The following LYPD4 variants were observed in gnomAD, a reference collection of about 807,000 sequenced individuals.
The protein encoded by LYPD4 is LY6/PLAUR domain containing 4.
LYPD4 carries 20 observed loss-of-function variants against 18.2 expected under a neutral mutation model. The observed-to-expected ratio is 1.10, with a 90% CI of 0.77 to 1.59. The LOEUF is 1.59. LYPD4 is among the 40% of genes most tolerant of loss of function. The pLI, the probability that LYPD4 is intolerant of heterozygous loss-of-function variation, is 0.00. For missense variants in LYPD4, 278 were observed against 300.3 expected (o/e 0.93, Z 0.55); for synonymous variants, 111 against 118.3 (o/e 0.94, Z 0.40).
At chr19:41,839,875 C>A (rs1328021425) in intron 1 of LYPD4, among the ~76,000 whole-genome samples, 1 of 151,904 alleles carries the variant, frequency 6.6e-6, no homozygotes, top group Non-Finnish European at 1.5e-5. Context: ...AATGGTAAAA[C>A]CCCATCTCTA....
chr19:41,838,873 T>C lies in LYPD4; in HGVS notation c.211+8A>G. ...AAAACGAAATTGATCAAACTTAGACTGCTTCACCTGTCTCAATGAACACTA... is the reference window on the plus strand; with the variant it reads ...AAAACGAAATTGATCAAACTTAGACCGCTTCACCTGTCTCAATGAACACTA... On this transcript the variant is annotated splice_region_variant and intron_variant, in intron 3 of 4. Coordinates refer to ENST00000609812, the MANE Select transcript of LYPD4 (RefSeq NM_173506.7). 6.2e-7 allele frequency: 1 copy of C among 1,613,654 alleles called. No individual in the cohort carries two copies.
In LYPD4 at chr19:41,837,330, G is replaced by A. The variant is rs1473444356; in HGVS notation, c.554C>T (p.Thr185Ile). 2.5e-6 allele frequency: 4 copies of A among 1,613,824 alleles called. No individual in the cohort carries two copies. The highest frequency in any genetic ancestry group is 2.2e-5 in the East Asian group (1 of 44,888). ...ACGAGCACACCCCATGAGGAGGAAGGTGGTATTGAGAAACCCTGTAAGGAA... is the reference window on the plus strand; with the variant it reads ...ACGAGCACACCCCATGAGGAGGAAGATGGTATTGAGAAACCCTGTAAGGAA... ...LKFQAGFLNT[T>I]FLLMGCAREH... is the part of the protein sequence containing the mutation. The change falls in exon 5 of 5, where the codon ACC becomes ATC. Residue 185 changes from threonine (T) to isoleucine (I), a missense_variant. Thr to Ile is a moderately conservative substitution (Grantham distance 89, BLOSUM62 -1). Coordinates refer to ENST00000609812, the MANE Select transcript of LYPD4 (RefSeq NM_173506.7).
chr19:41,836,287 CA>C (rs531204341), downstream of LYPD4, among the ~76,000 whole-genome samples: 9 of 19,938 alleles, frequency 4.5e-4, no homozygotes, highest in Middle Eastern at 0.038. Context: ...GCCAACTTAC[CA>C]AAAAAAAAAA....
At position 41,839,319 on chromosome 19, in the gene LYPD4, A is replaced by G. The variant is rs782035727; in HGVS notation, c.-34T>C. On this transcript the variant is annotated 5_prime_UTR_variant, in exon 2 of 5. Transcript: ENST00000609812. ...GTCTGGGTCCTGGGTGCTAGAGGTCAGTCTGGAATCAGTTTCAGTCTGGAT... is the reference window on the plus strand; with the variant it reads ...GTCTGGGTCCTGGGTGCTAGAGGTCGGTCTGGAATCAGTTTCAGTCTGGAT... 10 of 1,600,684 alleles carry G rather than the reference A, an allele frequency of 6.2e-6. No individual in the cohort carries two copies. Among genetic ancestry groups the G allele is most frequent in the African/African-American group, 1.3e-5 (1 of 74,674 alleles).
downstream of LYPD4, among the ~76,000 whole-genome samples, chr19:41,836,877 G>A (rs1285205110): frequency 2.0e-5 from 3 of 152,108 alleles, no homozygotes; most frequent in Non-Finnish European, 4.4e-5. Context: ...ACCCTGATTA[G>A]TAGCTGAACC....
At chr19:41,840,793 G>C (rs2073559736) in intron 1 of LYPD4, among the ~76,000 whole-genome samples, 1 of 151,086 alleles carries the variant, frequency 6.6e-6, no homozygotes, top group South Asian at 2.1e-4. Flanking sequence ...TTGCGACGCT[G>C]CACTCCAGCC....
At position 41,838,985 on chromosome 19, in the gene LYPD4, C is replaced by A; in HGVS notation, c.107G>T (p.Arg36Ile). 6.2e-7 allele frequency: 1 copy of A among 1,613,922 alleles called. No individual in the cohort carries two copies. The highest frequency in any genetic ancestry group is 8.5e-7 in the Non-Finnish European group (1 of 1,179,996). The change falls in exon 3 of 5, where the codon AGA becomes ATA. Residue 36 changes from arginine to isoleucine, a missense_variant. Coordinates refer to ENST00000609812, the MANE Select transcript of LYPD4 (RefSeq NM_173506.7). ...ALLCYEATAS[R>I]FRAVAFHNWK... ...GTTATGGAAAGCAACAGCTCTGAATCTTGAGGCTGTTGCTTCATAGCACAA... is the reference window on the plus strand; with the variant it reads ...GTTATGGAAAGCAACAGCTCTGAATATTGAGGCTGTTGCTTCATAGCACAA...
chr19:41,837,879 T>C (rs2123077141), intron 4 of LYPD4, 56 bp downstream of exon 4: 2 of 1,507,412 alleles, frequency 1.3e-6, no homozygotes, highest in Non-Finnish European at 1.8e-6. Flanking sequence ...GTGAAGGTGC[T>C]GGACAATGCC....
downstream of LYPD4, among the ~76,000 whole-genome samples, chr19:41,836,503 G>A (rs1432737523): frequency 6.6e-6 from 1 of 151,860 alleles, no homozygotes; most frequent in Non-Finnish European, 1.5e-5. Context: ...CTGAGGTCTT[G>A]TGAGGATTAA....
downstream of LYPD4, among the ~76,000 whole-genome samples, chr19:41,836,465 T>C (rs1555830346): frequency 6.6e-6 from 1 of 152,012 alleles, no homozygotes; most frequent in Non-Finnish European, 1.5e-5. Flanking sequence ...AGTTTCTTCT[T>C]TGCAAAATAG....
intron 2 of LYPD4, 27 bp from the exon 3 acceptor site, chr19:41,839,051 T>C (rs781841161): frequency 1.4e-5 from 23 of 1,612,528 alleles, no homozygotes; most frequent in Non-Finnish European, 1.8e-5. Flanking sequence ...CTCCCAGTCA[T>C]TGGCCCCTCA....
chr19:41,837,016 C>T, downstream of LYPD4: 1 of 1,491,898 alleles, frequency 6.7e-7, no homozygotes, highest in Non-Finnish European at 8.9e-7. Flanking sequence ...CCTGGACATG[C>T]TTGGCCTTCC....
intron 4 of LYPD4, 124 bp downstream of exon 4, chr19:41,837,811 G>A: frequency 9.8e-7 from 1 of 1,016,490 alleles, no homozygotes; most frequent in South Asian, 1.9e-5. Flanking sequence ...TGGAATTCAT[G>A]TGCCCTGTCC....
rs2073398727 is a variant in LYPD4 at position 41,837,323 on chromosome 19, G to A, written c.561C>T (p.Leu187=). The part of the protein sequence containing the change: ...FQAGFLNTTF[L]LMGCAREHNQ... The stretch of plus-strand genomic sequence containing the variant: ...TATGTTCACGAGCACACCCCATGAG[G>A]AGGAAGGTGGTATTGAGAAACCCTG... The change falls in exon 5 of 5, where the codon CTC becomes CTT. Residue 187 remains leucine, a synonymous_variant. Transcript: ENST00000609812. 6.2e-7 allele frequency: 1 copy of A among 1,614,034 alleles called. No individual in the cohort carries two copies. The highest frequency in any genetic ancestry group is 8.5e-7 in the Non-Finnish European group (1 of 1,179,932).
chr19:41,840,453 A>G (rs2073546360), intron 1 of LYPD4, among the ~76,000 whole-genome samples: 1 of 152,190 alleles, frequency 6.6e-6, no homozygotes, highest in African/African-American at 2.4e-5. Flanking sequence ...CCCTACAGGG[A>G]AACTGGAGGA....
intron 1 of LYPD4, among the ~76,000 whole-genome samples, chr19:41,840,164 A>G (rs527780560): frequency 7.9e-5 from 12 of 152,220 alleles, no homozygotes; most frequent in African/African-American, 2.4e-4. Context: ...ACACACACAC[A>G]TAAGTGCATG....
In LYPD4 at chr19:41,839,019, C is replaced by T; in HGVS notation, c.73G>A (p.Gly25Arg). The T allele has an allele frequency of 6.2e-7, 1 of 1,613,462 alleles. No homozygotes were observed. Among genetic ancestry groups the T allele is most frequent in the Non-Finnish European group, 8.5e-7 (1 of 1,179,930 alleles). The change falls in exon 3 of 5, where the codon GGA (glycine) becomes AGA (arginine). Residue 25 changes from glycine (G) to arginine (R), a missense_variant. Physicochemically the swap from Gly to Arg is moderately radical, Grantham distance 125 (BLOSUM62 -2). Transcript: ENST00000609812. ...LGAISTLPRA[G>R]ALLCYEATAS... Reference sequence around the variant, plus strand: ...GTTGCTTCATAGCACAAAAGAGCTCCAGCCCCTAAAAAGAGAATGCTCTCC... The same window carrying T: ...GTTGCTTCATAGCACAAAAGAGCTCTAGCCCCTAAAAAGAGAATGCTCTCC...
At chr19:41,840,074 C>A (rs1307384810) in intron 1 of LYPD4, among the ~76,000 whole-genome samples, 1 of 151,182 alleles carries the variant, frequency 6.6e-6, no homozygotes, top group Non-Finnish European at 1.5e-5. Context: ...GTATTTAGAA[C>A]TGAATAATAA....
At chr19:41,838,504 C>T (rs2073454620) in intron 3 of LYPD4, among the ~76,000 whole-genome samples, 1 of 152,084 alleles carries the variant, frequency 6.6e-6, no homozygotes, top group Admixed American at 6.5e-5. Context: ...GTGCCCTCCT[C>T]CAGGGATCTG....
Sources: gnomAD v4.1 joint callset for allele counts (sites outside exome capture counted in the v4.1 genomes callset) on GRCh38, gnomAD v4.1.1 for gene constraint, MANE v1.5 for transcripts, NCBI Gene and HGNC (gene_info 2026-07-23, HGNC 2026-07-21) for gene names.